FAM184A: variants seen among roughly 807,000 people sequenced by gnomAD.
FAM184A encodes the protein protein FAM184A.
FAM184A carries 99 observed loss-of-function variants against 143.8 expected under a neutral mutation model. That is an observed-to-expected ratio of 0.69 (90% CI 0.58 to 0.81). FAM184A has a LOEUF of 0.81. FAM184A is among the 40% of genes least tolerant of loss of function. The probability of loss-of-function intolerance (pLI) is 0.00; values close to 1 mark genes in which losing one functional copy is unlikely to be tolerated. For missense variants in FAM184A, 1,217 were observed against 1,310.5 expected, an observed-to-expected ratio of 0.93 and a Z score of 1.10; for synonymous variants, 427 against 446.4, an observed-to-expected ratio of 0.96 and a Z score of 0.55.
intron 4 of FAM184A, among the ~76,000 whole-genome samples, chr6:119,018,134 G>C (rs1785325756): frequency 1.3e-5 from 2 of 152,272 alleles, no homozygotes; most frequent in South Asian, 4.1e-4. Context: ...TATATCCCGT[G>C]TTATGGGAGT....
rs1562453749 is a variant in FAM184A at position 118,966,617 on chromosome 6, T to TA, written c.3033+217dup. Among the ~76,000 whole-genome samples, 11 of 152,106 alleles carry TA rather than the reference T, an allele frequency of 7.2e-5. 1 individual carries two copies. Among genetic ancestry groups the TA allele is most frequent in the Admixed American group, 5.9e-4 (9 of 15,262 alleles). ...AATATGTATCAAAAAGACTTTCTTT[T>TA]AAAAAAAATGAAAGACGTACAATTC... On this transcript the variant is annotated intron_variant, in intron 15 of 17. Transcript: ENST00000338891.
At chr6:119,061,531 C>CTTTTTTTTTTTTTTTTTTTTT (rs977029986) in intron 1 of FAM184A, among the ~76,000 whole-genome samples, 2 of 58,530 alleles carry the variant, frequency 3.4e-5, no homozygotes, top group Non-Finnish European at 6.4e-5. Flanking sequence ...AATTATTTTT[C>CTTTTTTTTTTTTTTTTTTTTT]TTTTTTTTTT....
chr6:119,109,880 G>A (rs753420471), intron 1 of FAM184A, among the ~76,000 whole-genome samples: 1 of 151,956 alleles, frequency 6.6e-6, no homozygotes, highest in Non-Finnish European at 1.5e-5. Flanking sequence ...TTAGACCTAT[G>A]TCTGATAAAA....
rs796506761 is a variant in FAM184A, at chr6:119,117,805, A to C, written c.-202+31273T>G. On this transcript the variant is annotated intron_variant, in intron 1 of 16. Coordinates refer to the FAM184A transcript ENST00000352896. ...ATTTAATTGGTTGAGGATTTGTAGG[A>C]CCTGAAAGTTTAGCTAGGTGTGTGG... is the stretch of plus-strand genomic sequence containing the variant. Among the ~76,000 whole-genome samples, 5 of 152,274 alleles carry C rather than the reference A, an allele frequency of 3.3e-5. No individual in the cohort carries two copies. The South Asian group carries it at 8.3e-4, about 25-fold the overall frequency.
chr6:119,126,494 G>A (rs901062487), intron 1 of FAM184A, among the ~76,000 whole-genome samples: 6 of 152,304 alleles, frequency 3.9e-5, no homozygotes, highest in Middle Eastern at 3.4e-3. Flanking sequence ...CTAGTGGGAC[G>A]GGGAGTGTAG....
intron 1 of FAM184A, among the ~76,000 whole-genome samples, chr6:119,035,672 T>C (rs1401557549): frequency 1.3e-5 from 2 of 152,112 alleles, no homozygotes; most frequent in Admixed American, 6.5e-5. Context: ...ATCTGCATGA[T>C]AAAACCTTCG....
chr6:119,137,829 T>C (rs1772073542), intron 1 of FAM184A, among the ~76,000 whole-genome samples: 1 of 152,170 alleles, frequency 6.6e-6, no homozygotes, highest in South Asian at 2.1e-4. Context: ...GCTGGCTTGT[T>C]TGAGTCTATT....
At chr6:119,140,471 C>T (rs150625462) in intron 1 of FAM184A, among the ~76,000 whole-genome samples, 5 of 152,196 alleles carry the variant, frequency 3.3e-5, no homozygotes, top group African/African-American at 4.8e-5. Flanking sequence ...CAGGAGCTAC[C>T]CAATATGCAA....
chr6:119,148,217 G>A (rs1317012722), intron 1 of FAM184A, among the ~76,000 whole-genome samples: 1 of 152,186 alleles, frequency 6.6e-6, no homozygotes, highest in East Asian at 1.9e-4. Context: ...CTGGGAAGGA[G>A]CCCAGGCAGG....
chr6:119,071,230 G>A (rs1787674823), intron 1 of FAM184A, among the ~76,000 whole-genome samples: 1 of 152,104 alleles, frequency 6.6e-6, no homozygotes. Flanking sequence ...AAACTAAACA[G>A]ATAGTGAATC....
chr6:119,067,490 C>T (rs1039639119), intron 1 of FAM184A, among the ~76,000 whole-genome samples: 4 of 152,294 alleles, frequency 2.6e-5, no homozygotes, highest in African/African-American at 9.6e-5. Context: ...TTACATGTAA[C>T]CCCAAAATCT....
intron 1 of FAM184A, among the ~76,000 whole-genome samples, chr6:119,048,515 A>G (rs1323044773): frequency 6.6e-6 from 1 of 152,234 alleles, no homozygotes; most frequent in Non-Finnish European, 1.5e-5. Context: ...TTCAGCTGAT[A>G]AACAACTTCA....
At chr6:119,061,104 A>G (rs922364458) in intron 1 of FAM184A, among the ~76,000 whole-genome samples, 1 of 152,234 alleles carries the variant, frequency 6.6e-6, no homozygotes, top group African/African-American at 2.4e-5. Context: ...ATGCAAAGCC[A>G]GGATGTTAGT....
chr6:119,128,788 T>G (rs1789445436), intron 1 of FAM184A, among the ~76,000 whole-genome samples: 2 of 152,226 alleles, frequency 1.3e-5, no homozygotes, highest in Admixed American at 1.3e-4. Context: ...CAAATATATT[T>G]CTTTGACATA....
chr6:119,022,304 C>A (rs1462232825), intron 3 of FAM184A, among the ~76,000 whole-genome samples: 1 of 151,594 alleles, frequency 6.6e-6, no homozygotes, highest in African/African-American at 2.4e-5. Flanking sequence ...AGTGATCTGC[C>A]CACTTTGGCC....
At chr6:119,114,493 A>G (rs933399439) in intron 1 of FAM184A, among the ~76,000 whole-genome samples, 11 of 152,032 alleles carry the variant, frequency 7.2e-5, no homozygotes, top group Non-Finnish European at 7.4e-5. Context: ...TCTCTTGTCA[A>G]TGCTCCTCCA....
rs913945930 is a variant in FAM184A at position 118,975,090 on chromosome 6, G to T, written c.2702C>A (p.Thr901Asn). ...QHLHENISAL[T>N]KELEFKGKEI... ...TTTCCCCTTAAATTCCAGTTCTTTG[G>T]TTAGGGCACTTATATTCTCATGAAG... The change falls in exon 13 of 18, where the codon ACC becomes AAC. Residue 901 changes from threonine (T) to asparagine (N), a missense_variant. Coordinates refer to ENST00000338891, the MANE Select transcript of FAM184A (RefSeq NM_024581.6). 6.2e-7 allele frequency: 1 copy of T among 1,613,042 alleles called. No individual in the cohort carries two copies. Among genetic ancestry groups the T allele is most frequent in the Non-Finnish European group, 8.5e-7 (1 of 1,179,520 alleles).
intron 9 of FAM184A, among the ~76,000 whole-genome samples, chr6:118,987,958 C>G (rs1385467355): frequency 2.0e-5 from 3 of 152,116 alleles, no homozygotes; most frequent in Non-Finnish European, 4.4e-5. Flanking sequence ...CAAAATATAT[C>G]TTATTGAATG....
intron 9 of FAM184A, among the ~76,000 whole-genome samples, chr6:118,999,507 A>G (rs1003271804): frequency 6.6e-6 from 1 of 152,074 alleles, no homozygotes; most frequent in Non-Finnish European, 1.5e-5. Context: ...AAATATACAC[A>G]TATGTTTAAT....
Sources: gnomAD v4.1 joint callset for allele counts (sites outside exome capture counted in the v4.1 genomes callset) on GRCh38, gnomAD v4.1.1 for gene constraint, MANE v1.5 for transcripts, NCBI Gene and HGNC (gene_info 2026-07-23, HGNC 2026-07-21) for gene names.